Variants in VMP1 observed in about 807,000 individuals in gnomAD.
The protein encoded by VMP1 is vacuole membrane protein 1.
VMP1 carries 11 observed loss-of-function variants against 56.0 expected under a neutral mutation model. The observed-to-expected ratio is 0.20, with a 90% CI of 0.12 to 0.32. The LOEUF is 0.32. VMP1 is among the 10% of genes least tolerant of loss of function. The pLI is 1.00. For synonymous variants in VMP1, 149 were observed against 165.0 expected (o/e 0.90, Z 0.74); for missense variants, 296 against 490.3 (o/e 0.60, Z 3.74).
intron 1 of VMP1, among the ~76,000 whole-genome samples, chr17:59,725,551 C>CAAAAA (rs78026893): frequency 1.8e-5 from 2 of 112,458 alleles, no homozygotes; most frequent in African/African-American, 2.9e-5. Context: ...GTCAAAATGC[C>CAAAAA]AAAAAAAAAA....
At chr17:59,801,124 GT>G (rs2037644408) in intron 7 of VMP1, among the ~76,000 whole-genome samples, 1 of 138,406 alleles carries the variant, frequency 7.2e-6, no homozygotes, top group African/African-American at 3.1e-5. Context: ...GTGTGTGTGT[GT>G]GTGTGTGTGT....
intron 7 of VMP1, among the ~76,000 whole-genome samples, chr17:59,804,472 G>A (rs1159847194): frequency 6.6e-6 from 1 of 151,696 alleles, no homozygotes; most frequent in Non-Finnish European, 1.5e-5. Flanking sequence ...AAAATCATCC[G>A]GGCGTTGCGG....
chr17:59,786,682 G>C (rs1432940448), intron 7 of VMP1, among the ~76,000 whole-genome samples: 1 of 152,154 alleles, frequency 6.6e-6, no homozygotes, highest in Non-Finnish European at 1.5e-5. Flanking sequence ...GTGAGTCACA[G>C]TGAAACCAGC....
chr17:59,780,417 C>T (rs919455701), intron 7 of VMP1, among the ~76,000 whole-genome samples: 15 of 152,214 alleles, frequency 9.9e-5, no homozygotes, highest in South Asian at 4.1e-4. Flanking sequence ...GTGGTGAAAC[C>T]GCATCTCTAC....
chr17:59,830,753 C>T (rs986564396), intron 10 of VMP1, among the ~76,000 whole-genome samples: 1 of 152,186 alleles, frequency 6.6e-6, no homozygotes, highest in Non-Finnish European at 1.5e-5. Context: ...TATTCTTAGG[C>T]TTAGAGACTT....
intron 7 of VMP1, among the ~76,000 whole-genome samples, chr17:59,784,142 T>TGTGTGTGTGTGAGA (rs556387089): frequency 3.1e-5 from 4 of 130,460 alleles, no homozygotes; most frequent in African/African-American, 1.2e-4. Flanking sequence ...TGTGTGTGTG[T>TGTGTGTGTGTGAGA]GAGAGAGAGA....
intron 8 of VMP1, 89 bp from the exon 9 acceptor site, chr17:59,811,581 C>A: frequency 1.0e-6 from 1 of 969,154 alleles, no homozygotes; most frequent in Non-Finnish European, 1.6e-6. Context: ...TGTAAGCAGG[C>A]TGAAAGCAGA....
In VMP1 at chr17:59,727,578, C is replaced by G. The variant is rs560752363; in HGVS notation, c.-26-3843C>G. Among the ~76,000 whole-genome samples the G allele has an allele frequency of 1.7e-3, 257 of 152,208 alleles. 2 individuals are homozygous for G. The highest frequency in any genetic ancestry group is 2.7e-3 in the Non-Finnish European group (186 of 68,016). On this transcript the variant is annotated intron_variant, in intron 1 of 11. Transcript: ENST00000262291. Reference sequence around the variant, plus strand: ...CTGTGATCCTCTTGAGGACAGGGACCTCCTTATCCTATTAATATTTGTATC... The same window carrying G: ...CTGTGATCCTCTTGAGGACAGGGACGTCCTTATCCTATTAATATTTGTATC...
At chr17:59,761,265 T>G (rs1044833154) in intron 5 of VMP1, among the ~76,000 whole-genome samples, 5 of 152,238 alleles carry the variant, frequency 3.3e-5, no homozygotes, top group African/African-American at 9.6e-5. Flanking sequence ...GTCTGTGGAT[T>G]GATACTTTTC....
chr17:59,726,944 C>T (rs1022595086), intron 1 of VMP1, among the ~76,000 whole-genome samples: 3 of 152,102 alleles, frequency 2.0e-5, no homozygotes, highest in Non-Finnish European at 2.9e-5. Flanking sequence ...TTCTACTTCA[C>T]GATCTTCATA....
chr17:59,794,198 G>A (rs1422315083), intron 7 of VMP1, among the ~76,000 whole-genome samples: 1 of 145,028 alleles, frequency 6.9e-6, no homozygotes, highest in Non-Finnish European at 1.5e-5. Context: ...GGGATTACAG[G>A]TGTGAGTCAC....
chr17:59,826,568 A>T (rs1392351764), intron 10 of VMP1, among the ~76,000 whole-genome samples: 3 of 152,192 alleles, frequency 2.0e-5, no homozygotes, highest in Non-Finnish European at 2.9e-5. Flanking sequence ...AGAAAATATA[A>T]ATGAAGAAAG....
chr17:59,728,731 A>G (rs2034703619), intron 1 of VMP1, among the ~76,000 whole-genome samples: 1 of 152,138 alleles, frequency 6.6e-6, no homozygotes, highest in Non-Finnish European at 1.5e-5. Context: ...TATTATTCAT[A>G]TGTATTCATA....
chr17:59,814,153 T>C (rs922324466), intron 9 of VMP1, among the ~76,000 whole-genome samples: 5 of 152,134 alleles, frequency 3.3e-5, no homozygotes, highest in African/African-American at 1.2e-4. Flanking sequence ...GCTAATTCTG[T>C]ATTTTTAGTA....
intron 10 of VMP1, among the ~76,000 whole-genome samples, chr17:59,832,511 T>C (rs2038843782): frequency 6.6e-6 from 1 of 152,084 alleles, no homozygotes; most frequent in Non-Finnish European, 1.5e-5. Context: ...ACTGAAAAAA[T>C]AGTTCTATGT....
chr17:59,715,984 T>A (rs1221581493), intron 1 of VMP1, among the ~76,000 whole-genome samples: 2 of 149,180 alleles, frequency 1.3e-5, no homozygotes, highest in Non-Finnish European at 3.0e-5. Context: ...AAATTTTTTA[T>A]TTTTTTTTTG....
chr17:59,773,380 A>G (rs1159038532), intron 6 of VMP1, among the ~76,000 whole-genome samples: 3 of 151,170 alleles, frequency 2.0e-5, no homozygotes, highest in Non-Finnish European at 2.9e-5. Flanking sequence ...AGTGTCTACA[A>G]TGAGCCAGGT....
intron 5 of VMP1, among the ~76,000 whole-genome samples, chr17:59,762,044 T>C (rs867547168): frequency 4.6e-5 from 7 of 152,220 alleles, no homozygotes; most frequent in Admixed American, 3.9e-4. Flanking sequence ...TTCATTTTTA[T>C]CCCTTCTCTT....
intron 10 of VMP1, among the ~76,000 whole-genome samples, chr17:59,822,825 C>G (rs1015917011): frequency 6.6e-5 from 10 of 152,154 alleles, no homozygotes; most frequent in African/African-American, 2.4e-4. Flanking sequence ...TACACTGTCT[C>G]TAACCTGCTG....
Sources: allele counts gnomAD v4.1 joint callset (sites outside exome capture counted in the v4.1 genomes callset), GRCh38; gene constraint gnomAD v4.1.1; transcripts MANE v1.5; gene names NCBI Gene and HGNC (gene_info 2026-07-23, HGNC 2026-07-21).